ANKRD52: variants seen among roughly 807,000 people sequenced by gnomAD.
The protein encoded by ANKRD52 is ankyrin repeat domain 52.
ANKRD52 carries 7 observed loss-of-function variants against 116.0 expected under a neutral mutation model. That is an observed-to-expected ratio of 0.06 (90% CI 0.03 to 0.11). The LOEUF is 0.11. ANKRD52 is among the 10% of genes least tolerant of loss of function. ANKRD52 has a pLI of 1.00. For missense variants in ANKRD52, 839 were observed against 1,408.6 expected (o/e 0.60, Z 6.47); for synonymous variants, 528 against 578.1 (o/e 0.91, Z 1.24).
At chr12:56,251,567 T>C (rs1871694010) in intron 15 of ANKRD52, among the ~76,000 whole-genome samples, 1 of 152,102 alleles carries the variant, frequency 6.6e-6, no homozygotes, top group South Asian at 2.1e-4. Context: ...CCTTAGTATC[T>C]AGCACAGTAC....
rs764614491 is a variant in ANKRD52, at chr12:56,247,478, T to C, written c.2184+15A>G. 2 of 1,554,570 alleles carry C rather than the reference T, an allele frequency of 1.3e-6. No individual in the cohort carries two copies. On this transcript the variant is annotated intron_variant, in intron 20 of 27. Transcript: ENST00000267116. Reference sequence around the variant, plus strand: ...AGGCCCATGTGCAAACAATCCCCCCTAGAAGCTCACTCACCCCGCGGTGGA... The same window carrying C: ...AGGCCCATGTGCAAACAATCCCCCCCAGAAGCTCACTCACCCCGCGGTGGA...
rs1199082630 is a variant in ANKRD52 at position 56,244,339 on chromosome 12, C to T, written c.2805+14G>A. The T allele has an allele frequency of 6.2e-7, 1 of 1,613,596 alleles. No individual in the cohort carries two copies. The highest frequency in any genetic ancestry group is 2.2e-5 in the East Asian group (1 of 44,882). On this transcript the variant is annotated intron_variant, in intron 25 of 27. Transcript: ENST00000267116. The surrounding 1 kb of genome is among the most constrained non-coding windows in gnomAD (Gnocchi z 4.9). Reference sequence around the variant, plus strand: ...TGCCCCTTATGCAGTCCCCCAATCACTTCAGGTAAGTACCTTGCTACAAGC... The same window carrying T: ...TGCCCCTTATGCAGTCCCCCAATCATTTCAGGTAAGTACCTTGCTACAAGC...
At position 56,244,810 on chromosome 12, in the gene ANKRD52, G is replaced by C. The variant is rs368638839; in HGVS notation, c.2577-13C>G. The stretch of plus-strand genomic sequence containing the variant: ...GTGAAGGGGGGTCCTGTAAGGCAGG[G>C]ATCAGGGTAGATTAAAATAGGGAAG... On this transcript the variant is annotated splice_polypyrimidine_tract_variant and intron_variant, in intron 23 of 27. Transcript: ENST00000267116. This position sits in a 1 kb window ranked among gnomAD's most constrained non-coding sequence, Gnocchi z 4.9. The C allele has an allele frequency of 1.4e-4, 222 of 1,613,848 alleles. No homozygotes were observed. Among genetic ancestry groups the C allele is most frequent in the Non-Finnish European group, 1.8e-4 (210 of 1,179,892 alleles).
At position 56,241,839 on chromosome 12, in the gene ANKRD52, T is replaced by G. The variant is rs2135874774; in HGVS notation, c.*1303A>C. 1 of 397,210 alleles carries G rather than the reference T, an allele frequency of 2.5e-6. No individual in the cohort carries two copies. Among genetic ancestry groups the G allele is most frequent in the South Asian group, 1.4e-4 (1 of 7,018 alleles). The allele number at this position is 397,210 out of a possible 1,614,324, so 24.6% of individuals were successfully genotyped here. On this transcript the variant is annotated 3_prime_UTR_variant, in exon 28 of 28. Coordinates refer to ENST00000267116, the MANE Select transcript of ANKRD52 (RefSeq NM_173595.4). ...CTGCCCCCTCTTCACTCCAGCCCAGTTTGGCTTTTGGGGTGCGACTTTAGA... is the reference window on the plus strand; with the variant it reads ...CTGCCCCCTCTTCACTCCAGCCCAGGTTGGCTTTTGGGGTGCGACTTTAGA...
In ANKRD52 at chr12:56,237,956, C is replaced by T; in HGVS notation, c.*5186G>A. 1 of 455,542 alleles carries T rather than the reference C, an allele frequency of 2.2e-6. No homozygotes were observed. Among genetic ancestry groups the T allele is most frequent in the Admixed American group, 3.9e-5 (1 of 25,506 alleles). 28.2% of individuals were successfully genotyped at this position (455,542 alleles called of 1,614,324 possible). A position where few individuals can be genotyped will look rare whatever the true frequency, so the allele number is the denominator to read the frequency against. The stretch of plus-strand genomic sequence containing the variant: ...GATGTGAGTAGGGGCCTGGAGGGTG[C>T]AGGGTCATTAATCTGCGGGGAGAAC... On this transcript the variant is annotated 3_prime_UTR_variant, in exon 28 of 28. Coordinates refer to ENST00000267116, the MANE Select transcript of ANKRD52 (RefSeq NM_173595.4).
chr12:56,242,193 G>A lies in ANKRD52; in HGVS notation c.*949C>T, dbSNP rs1321125061. 1 of 398,612 alleles carries A rather than the reference G, an allele frequency of 2.5e-6. No homozygotes were observed. The highest frequency in any genetic ancestry group is 4.4e-6 in the Non-Finnish European group (1 of 226,074). The allele number at this position is 398,612 out of a possible 1,614,324, so 24.7% of individuals were successfully genotyped here. On this transcript the variant is annotated 3_prime_UTR_variant, in exon 28 of 28. Coordinates refer to ENST00000267116, the MANE Select transcript of ANKRD52 (RefSeq NM_173595.4). This position sits in a 1 kb window ranked among gnomAD's most constrained non-coding sequence, Gnocchi z 4.3. Reference sequence around the variant, plus strand: ...TCCATATACATGCAAACACATGCCTGAAACACAGTGGACATACTAGGGCTG... The same window carrying A: ...TCCATATACATGCAAACACATGCCTAAAACACAGTGGACATACTAGGGCTG...
chr12:56,246,487 C>A (rs1481330298), intron 20 of ANKRD52, among the ~76,000 whole-genome samples: 2 of 152,072 alleles, frequency 1.3e-5, no homozygotes, highest in African/African-American at 4.8e-5. Context: ...ATCAAAAAAT[C>A]TTATGGGAGG....
In ANKRD52 at chr12:56,254,037, C is replaced by A; in HGVS notation, c.906+30G>T. The A allele has an allele frequency of 6.3e-7, 1 of 1,597,742 alleles. No homozygotes were observed. Among genetic ancestry groups the A allele is most frequent in the South Asian group, 1.1e-5 (1 of 90,592 alleles). On this transcript the variant is annotated intron_variant, in intron 8 of 27. Transcript: ENST00000267116. The surrounding 1 kb of genome is among the most constrained non-coding windows in gnomAD (Gnocchi z 4.6). ...ACCCCTAGATCCAAGTTTCGCTCCC[C>A]ACTGGTCTAAGCCTTATCCCTTCAG...
At position 56,253,063 on chromosome 12, in the gene ANKRD52, G is replaced by T; in HGVS notation, c.1124C>A (p.Pro375His). 6.3e-7 allele frequency: 1 copy of T among 1,583,208 alleles called. No individual in the cohort carries two copies. Among genetic ancestry groups the T allele is most frequent in the East Asian group, 2.3e-5 (1 of 43,370 alleles). Residue 375 changes from proline to histidine, a missense_variant, in exon 11 of 28, where the codon CCC becomes CAC. Pro to His is a moderately conservative substitution (Grantham distance 77). Transcript: ENST00000267116. This position sits in a 1 kb window ranked among gnomAD's most constrained non-coding sequence, Gnocchi z 5.5. Reference sequence around the variant, plus strand: ...TCCAAAGAGAACAGCTAAGTGCAGGGGGAACATGTCATGGATGCCACGCCT... The same window carrying T: ...TCCAAAGAGAACAGCTAAGTGCAGGTGGAACATGTCATGGATGCCACGCCT... Reference protein sequence around the residue: ...TARRGIHDMFPLHLAVLFGFS... With the variant: ...TARRGIHDMFHLHLAVLFGFS...
chr12:56,257,673 C>T (rs530916508), intron 2 of ANKRD52, among the ~76,000 whole-genome samples, 155 bp downstream of exon 2: 2 of 152,208 alleles, frequency 1.3e-5, no homozygotes, highest in African/African-American at 2.4e-5. Context: ...ACCTGCTCTC[C>T]ATCCCCAAAT....
chr12:56,252,390 G>C lies in ANKRD52; in HGVS notation c.1371-75C>G. The C allele has an allele frequency of 1.9e-6, 3 of 1,599,672 alleles. No homozygotes were observed. Among genetic ancestry groups the C allele is most frequent in the Admixed American group, 1.7e-5 (1 of 59,926 alleles). ...AATGCAATCAGATGTGCAGCCAAAT[G>C]CTGCTTTGTAACATTCTCCTTATTT... On this transcript the variant is annotated intron_variant, in intron 13 of 27. Transcript: ENST00000267116. The surrounding 1 kb of genome is among the most constrained non-coding windows in gnomAD (Gnocchi z 4.7).
chr12:56,244,442 G>C lies in ANKRD52; in HGVS notation c.2723-7C>G. On this transcript the variant is annotated splice_polypyrimidine_tract_variant and splice_region_variant and intron_variant, in intron 24 of 27. Coordinates refer to ENST00000267116, the MANE Select transcript of ANKRD52 (RefSeq NM_173595.4). The surrounding 1 kb of genome is among the most constrained non-coding windows in gnomAD (Gnocchi z 4.9). The stretch of plus-strand genomic sequence containing the variant: ...CCTCGATACAGCAGAAATTCTACGA[G>C]AGAAATGTGATAGAGGGACTGACCC... 1 of 1,613,798 alleles carries C rather than the reference G, an allele frequency of 6.2e-7. No homozygotes were observed. The highest frequency in any genetic ancestry group is 8.5e-7 in the Non-Finnish European group (1 of 1,179,768).
chr12:56,254,421 C>CA lies in ANKRD52; in HGVS notation c.694-143dup. Reference sequence around the variant, plus strand: ...ACCCAAGGTACTAAGGTACTAAGGGCACTATGGCTAAGGTAAGCATTATTC... The same window carrying CA: ...ACCCAAGGTACTAAGGTACTAAGGGCAACTATGGCTAAGGTAAGCATTATTC... On this transcript the variant is annotated intron_variant, in intron 7 of 27. Coordinates refer to ENST00000267116, the MANE Select transcript of ANKRD52 (RefSeq NM_173595.4). This position sits in a 1 kb window ranked among gnomAD's most constrained non-coding sequence, Gnocchi z 4.6. The CA allele has an allele frequency of 7.0e-7, 1 of 1,430,436 alleles. No homozygotes were observed. Among genetic ancestry groups the CA allele is most frequent in the South Asian group, 1.3e-5 (1 of 77,184 alleles). The allele number at this position is 1,430,436 out of a possible 1,614,324, so 88.6% of individuals were successfully genotyped here.
chr12:56,249,019 C>G (rs1267689258), intron 15 of ANKRD52, 149 bp from the exon 16 acceptor site: 2 of 572,486 alleles, frequency 3.5e-6, no homozygotes, highest in Non-Finnish European at 6.2e-6. Flanking sequence ...TAAATCCTAC[C>G]CATTCTTCAA....
rs376576595 is a variant in ANKRD52 at position 56,255,469 on chromosome 12, C to T, written c.462+315G>A. Among the ~76,000 whole-genome samples the T allele has an allele frequency of 2.0e-5, 3 of 152,332 alleles. No homozygotes were observed. The highest frequency in any genetic ancestry group is 7.2e-5 in the African/African-American group (3 of 41,572). Reference sequence around the variant, plus strand: ...CCTCCCAAAGTGCTGGGATTACAGGCGTGAGCCGCCGTGCCCGGCCGGTTC... The same window carrying T: ...CCTCCCAAAGTGCTGGGATTACAGGTGTGAGCCGCCGTGCCCGGCCGGTTC... On this transcript the variant is annotated intron_variant, in intron 5 of 27. Coordinates refer to ENST00000267116, the MANE Select transcript of ANKRD52 (RefSeq NM_173595.4). The surrounding 1 kb of genome is among the most constrained non-coding windows in gnomAD (Gnocchi z 4.3).
At chr12:56,245,347 C>T (rs1198991266) in intron 21 of ANKRD52, 30 bp downstream of exon 21, 1 of 1,604,950 alleles carries the variant, frequency 6.2e-7, no homozygotes. Flanking sequence ...AACACATGCT[C>T]CTGTGCCTGT....
Position 56,244,220 on chromosome 12 carries a change from C to A in ANKRD52, c.2806-87G>T, listed in dbSNP as rs577439116. 6.5e-7 allele frequency: 1 copy of A among 1,548,674 alleles called. No homozygotes were observed. The highest frequency in any genetic ancestry group is 1.1e-5 in the South Asian group (1 of 89,198). ...GGAGTTGGGGAGAGTAACAGGAGGA[C>A]AAACAGCTGCCCAACCAGTCGGATA... On this transcript the variant is annotated intron_variant, in intron 25 of 27. Coordinates refer to ENST00000267116, the MANE Select transcript of ANKRD52 (RefSeq NM_173595.4). This position sits in a 1 kb window ranked among gnomAD's most constrained non-coding sequence, Gnocchi z 4.9.
intron 18 of ANKRD52, 97 bp downstream of exon 18, chr12:56,247,926 C>T (rs1486610643): frequency 7.2e-7 from 1 of 1,384,880 alleles, no homozygotes; most frequent in African/African-American, 1.4e-5. Context: ...CTTGAAGTCT[C>T]CATTCTCCTC....
chr12:56,249,954 T>C (rs1004921742), intron 15 of ANKRD52, among the ~76,000 whole-genome samples: 1 of 152,068 alleles, frequency 6.6e-6, no homozygotes, highest in African/African-American at 2.4e-5. Flanking sequence ...GCAGAATTGC[T>C]TGAACCCAGG....
Sources: allele counts gnomAD v4.1 joint callset (sites outside exome capture counted in the v4.1 genomes callset), GRCh38; gene constraint gnomAD v4.1.1; non-coding constraint Gnocchi (gnomAD v3.1); transcripts MANE v1.5; gene names NCBI Gene and HGNC (gene_info 2026-07-23, HGNC 2026-07-21).